Variants in ADSS2 observed in about 807,000 individuals in gnomAD.
ADSS2 encodes adenylosuccinate synthase 2.
ADSS2 carries 30 observed loss-of-function variants against 60.0 expected under a neutral mutation model. The ratio of observed to expected loss-of-function variants is 0.50; its 90% CI spans 0.37 to 0.68. ADSS2 has a LOEUF of 0.68. ADSS2 is among the 30% of genes least tolerant of loss of function. The probability of loss-of-function intolerance (pLI) is 0.00; values close to 1 mark genes in which losing one functional copy is unlikely to be tolerated. For missense variants in ADSS2, 373 were observed against 554.8 expected (o/e 0.67, Z 3.29); for synonymous variants, 187 against 193.1 (o/e 0.97, Z 0.26).
intron 12 of ADSS2, among the ~76,000 whole-genome samples, chr1:244,410,454 G>A (rs6429464): frequency 0.44 from 66,980 of 151,762 alleles, 15,604 homozygotes; most frequent in Non-Finnish European, 0.51. Flanking sequence ...TAACTCCCTC[G>A]CCATCTTATA....
intron 3 of ADSS2, among the ~76,000 whole-genome samples, chr1:244,434,821 C>CAT (rs761927054): frequency 1.2e-4 from 19 of 152,030 alleles, no homozygotes; most frequent in Non-Finnish European, 2.2e-4. Context: ...GAGATGGTAG[C>CAT]AAAGACAGGG....
chr1:244,448,859 G>C (rs1320743787), intron 1 of ADSS2, among the ~76,000 whole-genome samples: 3 of 152,096 alleles, frequency 2.0e-5, no homozygotes, highest in African/African-American at 7.2e-5. Context: ...CCCAGATTGT[G>C]AGCTCCTTGT....
intron 6 of ADSS2, 67 bp from the exon 7 acceptor site, chr1:244,422,983 T>C (rs1664710245): frequency 9.6e-7 from 1 of 1,047,050 alleles, no homozygotes; most frequent in Non-Finnish European, 1.4e-6. Flanking sequence ...TATCATTTCA[T>C]TCAAATGGTT....
chr1:244,440,346 T>A (rs1665206116), intron 1 of ADSS2, among the ~76,000 whole-genome samples: 1 of 152,102 alleles, frequency 6.6e-6, no homozygotes. Flanking sequence ...CTAAAAAAAA[T>A]CTTCAAAAAG....
At chr1:244,435,503 AGTTT>A (rs1417683891) in intron 3 of ADSS2, among the ~76,000 whole-genome samples, 5 of 150,692 alleles carry the variant, frequency 3.3e-5, no homozygotes, top group African/African-American at 7.4e-5. Flanking sequence ...CATGAAACGA[AGTTT>A]GTTTCCTCTT....
rs1390603966 is a variant in ADSS2 at position 244,451,808 on chromosome 1, C to T, written c.10G>A (p.Ala4Thr). 3 of 1,586,738 alleles carry T rather than the reference C, an allele frequency of 1.9e-6. No individual in the cohort carries two copies. The highest frequency in any genetic ancestry group is 2.6e-6 in the Non-Finnish European group (3 of 1,168,778). ...GAGGATGCCGCCGGGTAGGTCTCGG[C>T]GAACGCCATGGCTCCAGTGACGCGA... MAF[A>T]ETYPAASSLP... The change falls in exon 1 of 13, where the codon GCC becomes ACC. Residue 4 changes from alanine (A) to threonine (T), a missense_variant. Ala to Thr is a moderately conservative substitution (Grantham distance 58). This residue lies in a region of ADSS2 where 47 missense variants were observed against 48.3 expected (regional missense o/e 0.97). Coordinates refer to ENST00000366535, the MANE Select transcript of ADSS2 (RefSeq NM_001126.5). The surrounding 1 kb of genome is among the most constrained non-coding windows in gnomAD (Gnocchi z 6.6).
At chr1:244,446,525 T>C (rs1665388060) in intron 1 of ADSS2, among the ~76,000 whole-genome samples, 1 of 152,242 alleles carries the variant, frequency 6.6e-6, no homozygotes, top group African/African-American at 2.4e-5. Context: ...ATGATTATAG[T>C]TACCTTCTAG....
At chr1:244,432,802 CTA>C (rs1664981893) in intron 3 of ADSS2, among the ~76,000 whole-genome samples, 3 of 151,078 alleles carry the variant, frequency 2.0e-5, no homozygotes. Flanking sequence ...GTAGTTGGGA[CTA>C]CAGGCACCCG....
chr1:244,435,394 G>A lies in ADSS2; in HGVS notation c.355+1431C>T, dbSNP rs78862487. On this transcript the variant is annotated intron_variant, in intron 3 of 12. Transcript: ENST00000366535. The stretch of plus-strand genomic sequence containing the variant: ...GCATATAAATAATGAGATCTCTGGG[G>A]GGTGGGGCTCAAATATATACATGAA... Among the ~76,000 whole-genome samples the A allele has an allele frequency of 8.1e-3, 1,234 of 152,012 alleles. 17 individuals are homozygous for A. Among genetic ancestry groups the A allele is most frequent in the African/African-American group, 0.028 (1,180 of 41,442 alleles).
At chr1:244,444,000 C>A (rs1665317733) in intron 1 of ADSS2, among the ~76,000 whole-genome samples, 1 of 152,134 alleles carries the variant, frequency 6.6e-6, no homozygotes, top group South Asian at 2.1e-4. Context: ...AAACAAAAAA[C>A]AGCATGAGTC....
chr1:244,412,880 C>CTTGAAG (rs1159309558), intron 11 of ADSS2, among the ~76,000 whole-genome samples: 1 of 152,302 alleles, frequency 6.6e-6, no homozygotes, highest in East Asian at 1.9e-4. Flanking sequence ...AAGGTTGTGG[C>CTTGAAG]ATCCTGTTGC....
chr1:244,429,827 A>G (rs546295901), intron 4 of ADSS2, among the ~76,000 whole-genome samples: 1 of 152,286 alleles, frequency 6.6e-6, no homozygotes, highest in South Asian at 2.1e-4. Flanking sequence ...GGTTGTAGTG[A>G]ACCAAGATCA....
At chr1:244,431,117 T>TA (rs529600485) in intron 4 of ADSS2, among the ~76,000 whole-genome samples, 2,848 of 148,174 alleles carry the variant, frequency 0.019, 65 homozygotes, top group African/African-American at 0.052. Context: ...AGACTCTGTC[T>TA]AAAAAAAAAA....
intron 1 of ADSS2, among the ~76,000 whole-genome samples, chr1:244,448,609 A>T (rs1229692022): frequency 1.3e-5 from 2 of 152,250 alleles, no homozygotes; most frequent in African/African-American, 4.8e-5. Flanking sequence ...CTTTGCTTAA[A>T]GCCTGGTATA....
chr1:244,436,010 G>C (rs1356320286), intron 3 of ADSS2, among the ~76,000 whole-genome samples: 1 of 152,252 alleles, frequency 6.6e-6, no homozygotes, highest in East Asian at 1.9e-4. Context: ...GGGGGAATCT[G>C]GGCGTGCATG....
intron 3 of ADSS2, among the ~76,000 whole-genome samples, chr1:244,434,021 T>A (rs1015335603): frequency 6.6e-6 from 1 of 152,112 alleles, no homozygotes; most frequent in South Asian, 2.1e-4. Flanking sequence ...TGAGCTTTCA[T>A]AGCACAGGGC....
intron 8 of ADSS2, among the ~76,000 whole-genome samples, chr1:244,419,696 G>T (rs1356781214): frequency 1.3e-5 from 2 of 152,146 alleles, no homozygotes. Flanking sequence ...TTTGACAAAA[G>T]AAGTTAAGCA....
intron 3 of ADSS2, among the ~76,000 whole-genome samples, chr1:244,435,314 T>C (rs1665069037): frequency 6.6e-6 from 1 of 152,040 alleles, no homozygotes; most frequent in Non-Finnish European, 1.5e-5. Context: ...GTCTCCTTTA[T>C]TCCAAATACC....
At chr1:244,414,626 T>C (rs1028205554) in intron 11 of ADSS2, among the ~76,000 whole-genome samples, 3 of 152,176 alleles carry the variant, frequency 2.0e-5, no homozygotes, top group African/African-American at 2.4e-5. Context: ...CTTCCTCTTA[T>C]AAGTTTCCCT....
Sources: gnomAD v4.1 joint callset for allele counts (sites outside exome capture counted in the v4.1 genomes callset) on GRCh38, gnomAD v4.1.1 for gene constraint, gnomAD v4.1.1 regional missense constraint, Gnocchi (gnomAD v3.1) non-coding constraint, MANE v1.5 for transcripts, NCBI Gene and HGNC (gene_info 2026-07-23, HGNC 2026-07-21) for gene names.